The following TTC7B variants were observed in gnomAD, a reference collection of about 807,000 sequenced individuals.
TTC7B encodes tetratricopeptide repeat protein 7B.
A neutral mutation model predicts 106.8 loss-of-function variants in TTC7B; 28 were observed. That is an observed-to-expected ratio of 0.26 (90% CI 0.19 to 0.36). The LOEUF is 0.36. Ranked by LOEUF, TTC7B falls within the 10% of genes least tolerant of loss-of-function variation. The pLI is 1.00. For missense variants in TTC7B, 862 were observed against 1,076.4 expected, an observed-to-expected ratio of 0.80 and a Z score of 2.79; for synonymous variants, 405 against 430.6, an observed-to-expected ratio of 0.94 and a Z score of 0.74.
intron 1 of TTC7B, among the ~76,000 whole-genome samples, chr14:90,806,244 G>A (rs960849892): frequency 5.3e-5 from 8 of 152,304 alleles, no homozygotes; most frequent in Admixed American, 3.3e-4. Context: ...TGCTGGGCTC[G>A]CCAAAGCACT....
chr14:90,780,444 A>T (rs1891175232), intron 3 of TTC7B, among the ~76,000 whole-genome samples: 1 of 140,066 alleles, frequency 7.1e-6, no homozygotes, highest in East Asian at 2.1e-4. Flanking sequence ...AGAGAGAGAG[A>T]AGGAAAGAAA....
At chr14:90,714,091 G>C (rs749051240) in intron 5 of TTC7B, among the ~76,000 whole-genome samples, 1 of 152,174 alleles carries the variant, frequency 6.6e-6, no homozygotes, top group Non-Finnish European at 1.5e-5. Flanking sequence ...TTAGCTGAGC[G>C]TGGTGGCACA....
chr14:90,733,393 A>C (rs1203587154), intron 4 of TTC7B, among the ~76,000 whole-genome samples: 2 of 152,184 alleles, frequency 1.3e-5, no homozygotes, highest in Admixed American at 6.5e-5. Context: ...CTGCTTGCAG[A>C]GCAAAGTCCA....
intron 5 of TTC7B, among the ~76,000 whole-genome samples, chr14:90,715,050 C>A (rs1300103622): frequency 6.6e-6 from 1 of 152,208 alleles, no homozygotes; most frequent in African/African-American, 2.4e-5. Flanking sequence ...GCTCTGGCCC[C>A]TTAGACCTTG....
rs1415437392 is a variant in TTC7B, at chr14:90,536,290, A to C, written c.*5078T>G. 1 of 154,192 alleles carries C rather than the reference A, an allele frequency of 6.5e-6. No individual in the cohort carries two copies. The highest frequency in any genetic ancestry group is 2.4e-5 in the African/African-American group (1 of 41,446). 9.6% of individuals were successfully genotyped at this position (154,192 alleles called of 1,614,324 possible). On this transcript the variant is annotated 3_prime_UTR_variant, in exon 20 of 20. Coordinates refer to ENST00000328459, the MANE Select transcript of TTC7B (RefSeq NM_001010854.2). Reference sequence around the variant, plus strand: ...GTAAACCCCGCCAGCCCCGGAGCTCAGCCCTGACCTCTTCCTCTTTGTCTA... The same window carrying C: ...GTAAACCCCGCCAGCCCCGGAGCTCCGCCCTGACCTCTTCCTCTTTGTCTA...
At chr14:90,592,506 C>T (rs952931829) in intron 18 of TTC7B, among the ~76,000 whole-genome samples, 3 of 152,058 alleles carry the variant, frequency 2.0e-5, no homozygotes, top group African/African-American at 4.8e-5. Context: ...GTCAGGAGTT[C>T]GAGACCAGCC....
At chr14:90,815,615 G>T (rs1387742260) in intron 1 of TTC7B, among the ~76,000 whole-genome samples, 1 of 151,802 alleles carries the variant, frequency 6.6e-6, no homozygotes, top group Non-Finnish European at 1.5e-5. Context: ...GCACATCCCA[G>T]CCTGCTTTCT....
chr14:90,682,705 A>C (rs1010663650), intron 7 of TTC7B, among the ~76,000 whole-genome samples: 3 of 152,154 alleles, frequency 2.0e-5, no homozygotes, highest in African/African-American at 7.2e-5. Flanking sequence ...AGTTGCGTGA[A>C]GGGGAAGGTG....
chr14:90,734,582 A>G (rs1034571995), intron 4 of TTC7B, among the ~76,000 whole-genome samples: 1 of 152,080 alleles, frequency 6.6e-6, no homozygotes, highest in Non-Finnish European at 1.5e-5. Flanking sequence ...CATCCTTGCC[A>G]TCCTCGACAC....
At chr14:90,550,779 A>G (rs960349128) in intron 19 of TTC7B, among the ~76,000 whole-genome samples, 1 of 152,120 alleles carries the variant, frequency 6.6e-6, no homozygotes, top group African/African-American at 2.4e-5. Context: ...TGGGCCTGGT[A>G]CAGAAGAGGC....
chr14:90,529,846 C>G lies in TTC7B; in HGVS notation c.*11522G>C, dbSNP rs1390177020. The G allele has an allele frequency of 6.6e-6, 1 of 152,208 alleles. No individual in the cohort carries two copies. The highest frequency in any genetic ancestry group is 1.5e-5 in the Non-Finnish European group (1 of 68,044). 9.4% of individuals were successfully genotyped at this position (152,208 alleles called of 1,614,324 possible). A position where few individuals can be genotyped will look rare whatever the true frequency, so the allele number is the denominator to read the frequency against. On this transcript the variant is annotated 3_prime_UTR_variant, in exon 20 of 20. Coordinates refer to ENST00000328459, the MANE Select transcript of TTC7B (RefSeq NM_001010854.2). ...AATAAAGAAAGGGTTAAACAGTCTG[C>G]AGTGCATCCATGTGAGGGGAGGTTA...
Position 90,805,550 on chromosome 14 carries a change from G to C in TTC7B, c.121+10625C>G, listed in dbSNP as rs2030555473. ...CAAACTGCTGGGATTGCAGGCATGA[G>C]CCACCGCGCCCGGCCTAAACCTCAC... On this transcript the variant is annotated intron_variant, in intron 1 of 19. Coordinates refer to ENST00000328459, the MANE Select transcript of TTC7B (RefSeq NM_001010854.2). This position sits in a 1 kb window ranked among gnomAD's most constrained non-coding sequence, Gnocchi z 4.0. 6.6e-6 allele frequency among the ~76,000 whole-genome samples: 1 copy of C among 152,216 alleles called. No individual in the cohort carries two copies.
intron 3 of TTC7B, among the ~76,000 whole-genome samples, chr14:90,754,325 A>G (rs894733834): frequency 6.6e-6 from 1 of 152,230 alleles, no homozygotes; most frequent in African/African-American, 2.4e-5. Flanking sequence ...TACGTAAAGC[A>G]GTACAGCAGA....
intron 19 of TTC7B, among the ~76,000 whole-genome samples, chr14:90,574,454 CAT>C (rs1388344347): frequency 1.3e-5 from 2 of 152,174 alleles, no homozygotes; most frequent in African/African-American, 2.4e-5. Flanking sequence ...CTAATAAACA[CAT>C]GATTTCTCTG....
chr14:90,676,647 G>C lies in TTC7B; in HGVS notation c.1028C>G (p.Ala343Gly). 6.2e-7 allele frequency: 1 copy of C among 1,614,000 alleles called. No homozygotes were observed. Among genetic ancestry groups the C allele is most frequent in the Non-Finnish European group, 8.5e-7 (1 of 1,179,938 alleles). ...GTGTTCAGGTATCCTGCTCAGCACA[G>C]CGTCCCGGTTGGCCTGAAAAAACAT... Reference protein sequence around the residue: ...LISESMANRDAVLSRIPEHKS... With the variant: ...LISESMANRDGVLSRIPEHKS... Residue 343 changes from alanine (A) to glycine (G), a missense_variant, in exon 9 of 20, where the codon GCT becomes GGT. By Grantham distance (60) the Ala-to-Gly change is moderately conservative (BLOSUM62 0). Transcript: ENST00000328459.
In TTC7B at chr14:90,806,884, G is replaced by A. The variant is rs560457411; in HGVS notation, c.121+9291C>T. ...ATCACACCACTGCACTCCAGCCTGA[G>A]CGACAGAGTGACACCCTATCTCAAA... is the stretch of plus-strand genomic sequence containing the variant. On this transcript the variant is annotated intron_variant, in intron 1 of 19. Coordinates refer to ENST00000328459, the MANE Select transcript of TTC7B (RefSeq NM_001010854.2). 2.0e-5 allele frequency among the ~76,000 whole-genome samples: 3 copies of A among 148,902 alleles called. No homozygotes were observed. In the Admixed American group the frequency reaches 2.1e-4, roughly 10 times the overall value.
chr14:90,746,535 T>C (rs1480510487), intron 3 of TTC7B, among the ~76,000 whole-genome samples: 1 of 152,204 alleles, frequency 6.6e-6, no homozygotes, highest in Non-Finnish European at 1.5e-5. Context: ...TGACTTTGGT[T>C]TCATTGATTT....
intron 6 of TTC7B, among the ~76,000 whole-genome samples, chr14:90,693,957 T>C (rs1887572116): frequency 6.6e-6 from 1 of 152,146 alleles, no homozygotes. Flanking sequence ...AACAACCCAA[T>C]GTCCATCAGC....
intron 1 of TTC7B, among the ~76,000 whole-genome samples, chr14:90,811,765 G>C (rs963315775): frequency 1.3e-5 from 2 of 152,212 alleles, no homozygotes; most frequent in Non-Finnish European, 2.9e-5. Flanking sequence ...TCTCCTAAGG[G>C]AGAAGCTACC....
Sources: allele counts gnomAD v4.1 joint callset (sites outside exome capture counted in the v4.1 genomes callset), GRCh38; gene constraint gnomAD v4.1.1; non-coding constraint Gnocchi (gnomAD v3.1); transcripts MANE v1.5; gene names NCBI Gene and HGNC (gene_info 2026-07-23, HGNC 2026-07-21).